GABRA3: variants seen among roughly 807,000 people sequenced by gnomAD.
GABRA3 encodes gamma-aminobutyric acid receptor subunit alpha-3.
A neutral mutation model predicts 30.1 loss-of-function variants in GABRA3; 10 were observed. That is an observed-to-expected ratio of 0.33 (90% CI 0.20 to 0.56). The LOEUF is 0.56. Ranked by LOEUF, GABRA3 falls within the 20% of genes least tolerant of loss-of-function variation. The pLI is 0.89. For synonymous variants in GABRA3, 151 were observed against 146.8 expected (o/e 1.03, Z -0.21); for missense variants, 233 against 392.0 (o/e 0.59, Z 3.42).
At chrX:152,399,961 T>A (rs1162995923) in intron 1 of GABRA3, among the ~76,000 whole-genome samples, 1 of 110,966 alleles carries the variant, frequency 9.0e-6, no homozygotes, top group African/African-American at 3.3e-5. Flanking sequence ...TTCTGTAGTA[T>A]GAATCAAGGC....
At chrX:152,294,998 C>A (rs763368027) in intron 3 of GABRA3, among the ~76,000 whole-genome samples, 46 of 111,535 alleles carry the variant, frequency 4.1e-4, no homozygotes, top group African/African-American at 1.4e-3. Context: ...TGGGTATCAC[C>A]AGTGGAGGCT....
chrX:152,427,569 A>G (rs762609869), intron 1 of GABRA3, among the ~76,000 whole-genome samples: 1 of 112,205 alleles, frequency 8.9e-6, no homozygotes, highest in East Asian at 2.8e-4. Context: ...TAATTTCTTT[A>G]TAACACTTTC....
At chrX:152,190,144 G>T (rs1463404168) in intron 8 of GABRA3, among the ~76,000 whole-genome samples, 1 of 111,410 alleles carries the variant, frequency 9.0e-6, no homozygotes, top group African/African-American at 3.3e-5. Flanking sequence ...ATTGGCAGAA[G>T]ACTATATAGG....
intron 6 of GABRA3, among the ~76,000 whole-genome samples, chrX:152,215,054 ATT>A (rs1286452956): frequency 7.0e-5 from 7 of 100,617 alleles, no homozygotes; most frequent in African/African-American, 1.8e-4. Flanking sequence ...ATATATATAT[ATT>A]TTTTTATATG....
chrX:152,446,311 C>T (rs1931084748), intron 1 of GABRA3, among the ~76,000 whole-genome samples: 1 of 111,887 alleles, frequency 8.9e-6, no homozygotes, highest in African/African-American at 3.3e-5. Context: ...GTTCAGTGGT[C>T]TGTCGAATAA....
intron 2 of GABRA3, among the ~76,000 whole-genome samples, chrX:152,351,798 G>A (rs1275396522): frequency 9.0e-6 from 1 of 111,264 alleles, no homozygotes; most frequent in African/African-American, 3.3e-5. Flanking sequence ...TTTAAAGTGA[G>A]AGCCATGTAA....
intron 3 of GABRA3, among the ~76,000 whole-genome samples, chrX:152,325,757 G>A (rs980427057): frequency 8.9e-6 from 1 of 111,772 alleles, no homozygotes; most frequent in Non-Finnish European, 1.9e-5. Context: ...AACCAGAGCA[G>A]AAAAGCTGAA....
chrX:152,293,359 G>A (rs56129363), intron 3 of GABRA3, among the ~76,000 whole-genome samples: 11,707 of 110,613 alleles, frequency 0.11, 503 homozygotes, highest in South Asian at 0.13. Flanking sequence ...TTTTATCATA[G>A]ACTAGGATTG....
At chrX:152,326,875 G>A (rs1925625012) in intron 3 of GABRA3, among the ~76,000 whole-genome samples, 2 of 110,904 alleles carry the variant, frequency 1.8e-5, no homozygotes, top group Non-Finnish European at 3.8e-5. Context: ...AATGTAAATG[G>A]GCTAAATGCT....
At chrX:152,214,824 T>C (rs1056040746) in intron 6 of GABRA3, among the ~76,000 whole-genome samples, 6 of 110,241 alleles carry the variant, frequency 5.4e-5, no homozygotes, top group Non-Finnish European at 1.1e-4. Flanking sequence ...AATTTTATTG[T>C]TTTGTAGCTA....
At chrX:152,294,378 A>T (rs1444040793) in intron 3 of GABRA3, among the ~76,000 whole-genome samples, 2 of 110,457 alleles carry the variant, frequency 1.8e-5, no homozygotes, top group Non-Finnish European at 3.8e-5. Context: ...CATTAATTTG[A>T]TCTTCAATCA....
chrX:152,294,910 G>A (rs1939497817), intron 3 of GABRA3, among the ~76,000 whole-genome samples: 1 of 108,747 alleles, frequency 9.2e-6, no homozygotes, highest in Admixed American at 9.6e-5. Flanking sequence ...TCCAACAGCT[G>A]CAGGTCTGTT....
intron 1 of GABRA3, among the ~76,000 whole-genome samples, chrX:152,406,344 G>T (rs1324270169): frequency 2.7e-5 from 3 of 109,275 alleles, no homozygotes; most frequent in African/African-American, 1.0e-4. Context: ...AATTCACTTC[G>T]CCTGTAGAGA....
intron 1 of GABRA3, among the ~76,000 whole-genome samples, chrX:152,427,762 A>C (rs1389177096): frequency 8.9e-6 from 1 of 112,162 alleles, no homozygotes; most frequent in African/African-American, 3.2e-5. Context: ...CTAAAATGAA[A>C]GCTAAAACTT....
At chrX:152,227,152 A>C (rs1937974423) in intron 5 of GABRA3, among the ~76,000 whole-genome samples, 1 of 109,568 alleles carries the variant, frequency 9.1e-6, no homozygotes, top group South Asian at 4.0e-4. Flanking sequence ...ACAATGATAG[A>C]CTGGATTAAG....
intron 6 of GABRA3, among the ~76,000 whole-genome samples, chrX:152,224,358 A>G (rs1170319160): frequency 8.9e-6 from 1 of 112,102 alleles, no homozygotes; most frequent in Non-Finnish European, 1.9e-5. Context: ...ATAGAAGTAT[A>G]TGAAGATGCA....
At chrX:152,393,900 T>C (rs1436691429) in intron 1 of GABRA3, among the ~76,000 whole-genome samples, 3 of 111,564 alleles carry the variant, frequency 2.7e-5, no homozygotes, top group African/African-American at 9.8e-5. Flanking sequence ...CCATGGCATA[T>C]ACTTATATAA....
chrX:152,207,330 G>A (rs769292588), intron 7 of GABRA3, among the ~76,000 whole-genome samples: 26 of 111,689 alleles, frequency 2.3e-4, no homozygotes, highest in African/African-American at 7.5e-4. Context: ...CCATTTTGAC[G>A]AACATTCTAA....
At chrX:152,221,114 T>A (rs947454120) in intron 6 of GABRA3, among the ~76,000 whole-genome samples, 2 of 111,639 alleles carry the variant, frequency 1.8e-5, no homozygotes, top group African/African-American at 6.5e-5. Flanking sequence ...ATATTTTAAG[T>A]CATTCTATTT....
Sources: allele counts gnomAD v4.1 joint callset (sites outside exome capture counted in the v4.1 genomes callset), GRCh38; gene constraint gnomAD v4.1.1; transcripts MANE v1.5; gene names NCBI Gene and HGNC (gene_info 2026-07-23, HGNC 2026-07-21).